Variants in PLAUR observed in about 807,000 individuals in gnomAD.
PLAUR encodes plasminogen activator, urokinase receptor.
In PLAUR, 22 loss-of-function variants were observed where a neutral mutation model predicts 33.4. That is an observed-to-expected ratio of 0.66 (90% CI 0.47 to 0.94). PLAUR has a LOEUF of 0.94. Among genes scored for constraint, PLAUR ranks in the 40% least tolerant of loss-of-function variants. The pLI is 0.00. For synonymous variants in PLAUR, 148 were observed against 167.3 expected, an observed-to-expected ratio of 0.88 and a Z score of 0.89; for missense variants, 408 against 434.7, an observed-to-expected ratio of 0.94 and a Z score of 0.55.
intron 3 of PLAUR, chr19:43,660,481 T>G (rs1966931110): frequency 6.6e-6 from 1 of 152,040 alleles, no homozygotes; most frequent in Admixed American, 6.6e-5. Flanking sequence ...CCTGGTTTTT[T>G]TTTTTTTTAA....
intron 6 of PLAUR, among the ~76,000 whole-genome samples, chr19:43,650,435 C>G (rs2146197725): frequency 6.7e-6 from 1 of 148,874 alleles, no homozygotes; most frequent in East Asian, 2.0e-4. Context: ...AAGTGACCCT[C>G]CCACCTCAGC....
intron 6 of PLAUR, among the ~76,000 whole-genome samples, chr19:43,649,552 A>AAAAG (rs1293887557): frequency 7.3e-4 from 110 of 150,910 alleles, no homozygotes; most frequent in Admixed American, 6.3e-3. Flanking sequence ...AAAACAAATA[A>AAAAG]AAAGAAAGAA....
At position 43,670,073 on chromosome 19, in the gene PLAUR, G is replaced by A. The variant is rs1967460672; in HGVS notation, c.48C>T (p.Cys16=). 6.2e-7 allele frequency: 1 copy of A among 1,613,280 alleles called. No individual in the cohort carries two copies. Among genetic ancestry groups the A allele is most frequent in the Non-Finnish European group, 8.5e-7 (1 of 1,179,662 alleles). ...LLPLLLLLHT[C]VPASWGLRCM... is the part of the protein sequence containing the mutation. ...TCGGGACCCAGCCCCTACCTGGGAC[G>A]CAGGTGTGGAGCAGCAGCAGCAGCG... Residue 16 remains cysteine (C), a synonymous_variant, in exon 1 of 7, where the codon TGC becomes TGT. Coordinates refer to ENST00000340093, the MANE Select transcript of PLAUR (RefSeq NM_002659.4).
At chr19:43,669,168 C>G (rs148483321) in intron 1 of PLAUR, among the ~76,000 whole-genome samples, 1 of 152,358 alleles carries the variant, frequency 6.6e-6, no homozygotes, top group East Asian at 1.9e-4. Context: ...CAGAGCCCCC[C>G]ACATTTTCCG....
rs200445479 is a variant in PLAUR at position 43,655,430 on chromosome 19, G to T, written c.607+9C>A. Reference sequence around the variant, plus strand: ...ACCCCAGGCCTTGCCTGTGTCTCCCGTTCCTTACTTGGGCCCTCGTTGCAT... The same window carrying T: ...ACCCCAGGCCTTGCCTGTGTCTCCCTTTCCTTACTTGGGCCCTCGTTGCAT... On this transcript the variant is annotated intron_variant, in intron 5 of 6. Coordinates refer to ENST00000340093, the MANE Select transcript of PLAUR (RefSeq NM_002659.4). 3.1e-6 allele frequency: 5 copies of T among 1,613,748 alleles called. No homozygotes were observed. The highest frequency in any genetic ancestry group is 1.3e-5 in the African/African-American group (1 of 74,936).
chr19:43,650,352 G>T (rs938123422), intron 6 of PLAUR, among the ~76,000 whole-genome samples: 2 of 150,646 alleles, frequency 1.3e-5, no homozygotes, highest in African/African-American at 2.4e-5. Flanking sequence ...TTAAGACAGG[G>T]TCTCGCTCTG....
In PLAUR at chr19:43,648,784, C is replaced by T. The variant is rs4251924; in HGVS notation, c.*106G>A. 1.3e-3 allele frequency: 1,583 copies of T among 1,234,944 alleles called. 8 individuals are homozygous for T. In the African/African-American group the frequency reaches 0.021, roughly 16 times the overall value. 76.5% of individuals were successfully genotyped at this position (1,234,944 alleles called of 1,614,324 possible). ...TGGGAAAACTGAGGCCCAGAGAGGT[C>T]GGCACACTGGCCTGAGGTCACACAG... On this transcript the variant is annotated 3_prime_UTR_variant, in exon 7 of 7. Coordinates refer to ENST00000340093, the MANE Select transcript of PLAUR (RefSeq NM_002659.4).
chr19:43,669,218 C>A (rs1967413145), intron 1 of PLAUR, among the ~76,000 whole-genome samples: 1 of 152,208 alleles, frequency 6.6e-6, no homozygotes, highest in Non-Finnish European at 1.5e-5. Context: ...AGGGAAAGGT[C>A]CTGAGGGACA....
chr19:43,650,163 A>T (rs1973936555), intron 6 of PLAUR, among the ~76,000 whole-genome samples: 1 of 149,954 alleles, frequency 6.7e-6, no homozygotes, highest in African/African-American at 2.5e-5. Context: ...AGGCGCGACC[A>T]CCATGCCCAG....
chr19:43,656,702 G>T (rs2146230062), intron 3 of PLAUR, 62 bp from the exon 4 acceptor site: 3 of 1,376,132 alleles, frequency 2.2e-6, no homozygotes, highest in East Asian at 4.9e-5. Context: ...CCCCAGCTCT[G>T]CAAGGACTCA....
intron 1 of PLAUR, 88 bp from the exon 2 acceptor site, chr19:43,667,779 C>A (rs1195370426): frequency 2.6e-6 from 4 of 1,535,602 alleles, no homozygotes; most frequent in Non-Finnish European, 2.6e-6. Flanking sequence ...ATACCAACAC[C>A]AAGTCTCCAG....
chr19:43,668,637 C>T (rs906706907), intron 1 of PLAUR, among the ~76,000 whole-genome samples: 8 of 150,058 alleles, frequency 5.3e-5, no homozygotes, highest in Non-Finnish European at 1.0e-4. Context: ...AGCCCAGCCC[C>T]GTAGCTCCTC....
intron 3 of PLAUR, chr19:43,661,179 A>AT (rs1966974346): frequency 6.6e-6 from 1 of 152,082 alleles, no homozygotes; most frequent in Non-Finnish European, 1.5e-5. Context: ...CCATTCCAGG[A>AT]TTTTAACTCT....
intron 3 of PLAUR, among the ~76,000 whole-genome samples, chr19:43,659,805 A>G (rs1392193200): frequency 1.3e-5 from 2 of 152,078 alleles, no homozygotes; most frequent in African/African-American, 2.4e-5. Context: ...CTAGCTCCTT[A>G]ATCCTTTTGC....
chr19:43,665,302 G>A lies in PLAUR; in HGVS notation c.310+14C>T, dbSNP rs756019389. The A allele has an allele frequency of 6.2e-7, 1 of 1,613,462 alleles. No homozygotes were observed. The highest frequency in any genetic ancestry group is 1.7e-5 in the Admixed American group (1 of 59,978). On this transcript the variant is annotated intron_variant, in intron 3 of 6. Transcript: ENST00000340093. ...TGGCTTGGGGTTGGGGATGGCAAGG[G>A]CTGCCCTACTCACCAGAGTTGCCCT...
intron 6 of PLAUR, among the ~76,000 whole-genome samples, chr19:43,651,156 G>A (rs574942960): frequency 4.4e-4 from 67 of 151,720 alleles, no homozygotes; most frequent in Non-Finnish European, 2.9e-4. Flanking sequence ...TTGGCTCACC[G>A]CAACCTCTGC....
intron 5 of PLAUR, 118 bp from the exon 6 acceptor site, chr19:43,652,489 G>T: frequency 1.0e-6 from 1 of 994,312 alleles, no homozygotes; most frequent in Non-Finnish European, 1.5e-6. Flanking sequence ...GCCACCTTGT[G>T]GTCAGGCGTC....
chr19:43,669,161 A>T (rs1967410824), intron 1 of PLAUR, among the ~76,000 whole-genome samples: 1 of 152,152 alleles, frequency 6.6e-6, no homozygotes, highest in Non-Finnish European at 1.5e-5. Context: ...CTCGACCCAG[A>T]GCCCCCCACA....
rs540930660 is a variant in PLAUR, at chr19:43,661,567, T to A, written c.310+3749A>T. The A allele has an allele frequency of 1.9e-3, 285 of 152,250 alleles. 1 individual carries two copies. Among genetic ancestry groups the A allele is most frequent in the African/African-American group, 6.6e-3 (274 of 41,532 alleles). 9.4% of individuals were successfully genotyped at this position (152,250 alleles called of 1,614,324 possible). On this transcript the variant is annotated intron_variant, in intron 3 of 6. Transcript: ENST00000340093. Reference sequence around the variant, plus strand: ...ATGTGCCACCACGCCTGGCTAACTTTTGTATTTTTAGTAGAGACGGGGTTT... The same window carrying A: ...ATGTGCCACCACGCCTGGCTAACTTATGTATTTTTAGTAGAGACGGGGTTT...
Sources: allele counts gnomAD v4.1 joint callset (sites outside exome capture counted in the v4.1 genomes callset), GRCh38; gene constraint gnomAD v4.1.1; transcripts MANE v1.5; gene names NCBI Gene and HGNC (gene_info 2026-07-23, HGNC 2026-07-21).